FMN1: variants seen among roughly 807,000 people sequenced by gnomAD.
The protein encoded by FMN1 is formin-1.
In FMN1, 110 loss-of-function variants were observed where a neutral mutation model predicts 132.4. That is an observed-to-expected ratio of 0.83 (90% CI 0.71 to 0.97). The LOEUF is 0.97. Ranked by LOEUF, FMN1 falls within the 50% of genes least tolerant of loss-of-function variation. The probability of loss-of-function intolerance (pLI) is 0.00; values close to 1 mark genes in which losing one functional copy is unlikely to be tolerated. For synonymous variants in FMN1, 722 were observed against 651.7 expected (o/e 1.11, Z -1.64); for missense variants, 1,792 against 1,705.3 (o/e 1.05, Z -0.90).
intron 4 of FMN1, among the ~76,000 whole-genome samples, chr15:33,144,932 T>C (rs977140145): frequency 6.6e-6 from 1 of 152,230 alleles, no homozygotes; most frequent in East Asian, 1.9e-4. Context: ...AAGTGCTTTA[T>C]GAACTATTTT....
At position 33,174,438 on chromosome 15, in the gene FMN1, C is replaced by T. The variant is rs142425353; in HGVS notation, c.-132+5760G>A. 1.2e-3 allele frequency among the ~76,000 whole-genome samples: 178 copies of T among 152,196 alleles called. 1 individual carries two copies. The highest frequency in any genetic ancestry group is 4.0e-3 in the African/African-American group (168 of 41,512). ...GCTTGGATGAGTTGGCCTTCAGAAC[C>T]GCTTCCATTCTGAGCCAGTATTTTG... On this transcript the variant is annotated intron_variant, in intron 3 of 20. Transcript: ENST00000616417.
intron 7 of FMN1, among the ~76,000 whole-genome samples, chr15:33,000,873 T>C (rs1342567551): frequency 2.0e-5 from 3 of 152,208 alleles, no homozygotes; most frequent in Non-Finnish European, 4.4e-5. Context: ...CAAGAGGCAT[T>C]TCAAAGTATC....
At chr15:33,081,643 G>C (rs1385328022) in intron 5 of FMN1, among the ~76,000 whole-genome samples, 2 of 152,162 alleles carry the variant, frequency 1.3e-5, no homozygotes, top group African/African-American at 2.4e-5. Flanking sequence ...AAAAACAAAA[G>C]AAAACAAGTC....
At chr15:33,034,038 G>A (rs949216759) in intron 6 of FMN1, among the ~76,000 whole-genome samples, 3 of 151,696 alleles carry the variant, frequency 2.0e-5, no homozygotes, top group East Asian at 1.9e-4. Flanking sequence ...TCTCCTCTAC[G>A]TTCACCATCT....
intron 7 of FMN1, among the ~76,000 whole-genome samples, chr15:32,988,899 A>G (rs2033256084): frequency 6.6e-6 from 1 of 152,232 alleles, no homozygotes; most frequent in Non-Finnish European, 1.5e-5. Context: ...TGTTGCTTCC[A>G]CTTAAGCTAA....
At chr15:32,987,835 G>C (rs1487892984) in intron 7 of FMN1, among the ~76,000 whole-genome samples, 2 of 152,102 alleles carry the variant, frequency 1.3e-5, no homozygotes, top group African/African-American at 4.8e-5. Flanking sequence ...AAAACTTGGA[G>C]CTCATAAAAG....
At chr15:32,995,239 T>G (rs960293082) in intron 7 of FMN1, among the ~76,000 whole-genome samples, 3 of 152,170 alleles carry the variant, frequency 2.0e-5, no homozygotes, top group African/African-American at 7.2e-5. Flanking sequence ...TAGACACCTG[T>G]AACAGCTTTC....
chr15:32,963,173 A>G (rs7175858), intron 9 of FMN1, among the ~76,000 whole-genome samples: 5,160 of 150,916 alleles, frequency 0.034, 90 homozygotes, highest in East Asian at 0.099. Flanking sequence ...ATAAAAAATG[A>G]TGAGTTCACG....
intron 4 of FMN1, among the ~76,000 whole-genome samples, chr15:33,134,381 C>G (rs1337304650): frequency 6.6e-6 from 1 of 152,200 alleles, no homozygotes; most frequent in Non-Finnish European, 1.5e-5. Context: ...GCTGAGGTAA[C>G]AGTTCCACCT....
intron 13 of FMN1, among the ~76,000 whole-genome samples, chr15:32,900,457 T>C (rs1324525595): frequency 6.6e-6 from 1 of 152,254 alleles, no homozygotes; most frequent in African/African-American, 2.4e-5. Context: ...AGTTGGTATA[T>C]ATAGTAAGGC....
At chr15:33,051,830 G>A (rs990913695) in intron 6 of FMN1, among the ~76,000 whole-genome samples, 2 of 152,194 alleles carry the variant, frequency 1.3e-5, no homozygotes, top group African/African-American at 4.8e-5. Context: ...AAGGACGCAA[G>A]ACCCCGGAAG....
chr15:32,899,214 C>G (rs575555710), intron 14 of FMN1, among the ~76,000 whole-genome samples: 1 of 152,236 alleles, frequency 6.6e-6, no homozygotes, highest in Admixed American at 6.5e-5. Flanking sequence ...GCGGGGAATG[C>G]TAAAGGGAAC....
At chr15:32,964,522 T>C (rs1456359928) in intron 8 of FMN1, among the ~76,000 whole-genome samples, 1 of 152,340 alleles carries the variant, frequency 6.6e-6, no homozygotes, top group African/African-American at 2.4e-5. Context: ...AGAAACTCCT[T>C]AGGACTAGAA....
chr15:32,981,575 C>A (rs868621959), intron 7 of FMN1, among the ~76,000 whole-genome samples: 7 of 147,974 alleles, frequency 4.7e-5, no homozygotes, highest in South Asian at 4.2e-4. Context: ...ACATTCTGTG[C>A]TAACATAAGA....
At chr15:32,907,058 G>C (rs1460723747) in intron 12 of FMN1, among the ~76,000 whole-genome samples, 1 of 152,184 alleles carries the variant, frequency 6.6e-6, no homozygotes, top group African/African-American at 2.4e-5. Context: ...GTATTCTAGA[G>C]CAGCTGTGCC....
chr15:32,973,840 TTTTTAA>T (rs1402948993), intron 7 of FMN1, among the ~76,000 whole-genome samples: 2 of 152,244 alleles, frequency 1.3e-5, no homozygotes, highest in African/African-American at 4.8e-5. Flanking sequence ...TTAAACACTA[TTTTTAA>T]TTTTATTTCC....
chr15:32,861,515 C>A (rs1260301352), intron 16 of FMN1, among the ~76,000 whole-genome samples: 1 of 152,144 alleles, frequency 6.6e-6, no homozygotes, highest in Non-Finnish European at 1.5e-5. Context: ...GGACCTCCCG[C>A]AACACAGGCA....
intron 15 of FMN1, 125 bp from the exon 16 acceptor site, chr15:32,888,417 T>C (rs2059945717): frequency 2.7e-6 from 2 of 752,656 alleles, no homozygotes; most frequent in African/African-American, 1.7e-5. Flanking sequence ...ATCATAGCAA[T>C]GCTCCTCTGC....
At chr15:33,058,094 T>A (rs1013659583) in intron 6 of FMN1, among the ~76,000 whole-genome samples, 6 of 151,614 alleles carry the variant, frequency 4.0e-5, no homozygotes, top group Non-Finnish European at 8.8e-5. Context: ...ATGGGGGTGC[T>A]GGTGGAAAGG....
Sources: allele counts gnomAD v4.1 joint callset (sites outside exome capture counted in the v4.1 genomes callset), GRCh38; gene constraint gnomAD v4.1.1; transcripts MANE v1.5; gene names NCBI Gene and HGNC (gene_info 2026-07-23, HGNC 2026-07-21).